Variants in MB21D2 observed in about 807,000 individuals in gnomAD.
The protein encoded by MB21D2 is Mab-21 domain containing 2.
Under a neutral mutation model 33.3 loss-of-function variants are expected in MB21D2, and 9 were observed. That is an observed-to-expected ratio of 0.27 (90% CI 0.16 to 0.47). The LOEUF (loss-of-function observed/expected upper bound fraction) is 0.47. MB21D2 is among the 20% of genes least tolerant of loss of function. MB21D2 has a pLI of 0.99. For missense variants in MB21D2, 540 were observed against 624.6 expected, an observed-to-expected ratio of 0.86 and a Z score of 1.44; for synonymous variants, 241 against 236.3, an observed-to-expected ratio of 1.02 and a Z score of -0.18.
At chr3:192,887,143 A>C (rs1381673538) in intron 1 of MB21D2, among the ~76,000 whole-genome samples, 1 of 152,116 alleles carries the variant, frequency 6.6e-6, no homozygotes, top group Admixed American at 6.5e-5. Context: ...ATTTGACGAT[A>C]TCAATGAACT....
intron 1 of MB21D2, among the ~76,000 whole-genome samples, chr3:192,820,908 G>A (rs910789879): frequency 4.6e-5 from 7 of 152,202 alleles, no homozygotes; most frequent in African/African-American, 1.7e-4. Context: ...AGGACTACAG[G>A]CGGTGCCACC....
At chr3:192,834,575 G>A (rs917650593) in intron 1 of MB21D2, among the ~76,000 whole-genome samples, 3 of 151,600 alleles carry the variant, frequency 2.0e-5, no homozygotes, top group East Asian at 1.9e-4. Context: ...CTACTTTTCC[G>A]ACCTTCCTGA....
chr3:192,799,172 G>C lies in MB21D2; in HGVS notation c.690C>G (p.Arg230=). The C allele has an allele frequency of 6.2e-7, 1 of 1,614,176 alleles. No individual in the cohort carries two copies. Among genetic ancestry groups the C allele is most frequent in the South Asian group, 1.1e-5 (1 of 91,088 alleles). Reference sequence around the variant, plus strand: ...CCACAGGGACAATATCATACAACATGCGACTACTCCCTACACCCAGAATGA... The same window carrying C: ...CCACAGGGACAATATCATACAACATCCGACTACTCCCTACACCCAGAATGA... ...ISIILGVGSS[R]MLYDIVPVVS... Residue 230 remains arginine (R), a synonymous_variant, in exon 2 of 2, where the codon CGC becomes CGG. Transcript: ENST00000392452. This position sits in a 1 kb window ranked among gnomAD's most constrained non-coding sequence, Gnocchi z 4.1.
chr3:192,832,682 C>T (rs1269258129), intron 1 of MB21D2, among the ~76,000 whole-genome samples: 4 of 151,994 alleles, frequency 2.6e-5, no homozygotes, highest in Non-Finnish European at 4.4e-5. Context: ...CCCAGCTACT[C>T]GGGAGGCTGG....
chr3:192,842,693 A>G (rs998978137), intron 1 of MB21D2, among the ~76,000 whole-genome samples: 6 of 152,194 alleles, frequency 3.9e-5, no homozygotes, highest in African/African-American at 9.6e-5. Context: ...GAAGAACAAT[A>G]TTAGTATTAT....
At chr3:192,880,271 C>T (rs945561143) in intron 1 of MB21D2, among the ~76,000 whole-genome samples, 4 of 151,498 alleles carry the variant, frequency 2.6e-5, no homozygotes, top group Non-Finnish European at 5.9e-5. Flanking sequence ...CGCTTGAACC[C>T]AGGAGACGGA....
chr3:192,900,284 C>CAAAAAA (rs66984849), intron 1 of MB21D2, among the ~76,000 whole-genome samples: 2 of 91,200 alleles, frequency 2.2e-5, no homozygotes, highest in African/African-American at 4.4e-5. Context: ...GACTCTGTCT[C>CAAAAAA]AAAAAAAAAA....
chr3:192,834,809 CTTTTTTTTTTT>C (rs71177378), intron 1 of MB21D2, among the ~76,000 whole-genome samples: 1 of 119,882 alleles, frequency 8.3e-6, no homozygotes, highest in South Asian at 2.7e-4. Flanking sequence ...GAGGATTGTT[CTTTTTTTTTTT>C]TTTTTTTTTG....
chr3:192,852,897 A>C (rs761684145), intron 1 of MB21D2, among the ~76,000 whole-genome samples: 1 of 152,094 alleles, frequency 6.6e-6, no homozygotes, highest in Non-Finnish European at 1.5e-5. Flanking sequence ...TCCTGTTCCT[A>C]CTTTTATGAC....
chr3:192,907,019 T>C (rs953863861), intron 1 of MB21D2, among the ~76,000 whole-genome samples: 1 of 152,236 alleles, frequency 6.6e-6, no homozygotes, highest in East Asian at 1.9e-4. Context: ...CAGTTCCCCA[T>C]GTCAGCTTTA....
chr3:192,849,053 C>T (rs1291352010), intron 1 of MB21D2, among the ~76,000 whole-genome samples: 1 of 152,118 alleles, frequency 6.6e-6, no homozygotes, highest in East Asian at 1.9e-4. Context: ...ATCACAGATT[C>T]AGTTTTGTTA....
intron 1 of MB21D2, among the ~76,000 whole-genome samples, chr3:192,903,779 G>A (rs1371364229): frequency 6.6e-6 from 1 of 152,228 alleles, no homozygotes; most frequent in East Asian, 1.9e-4. Context: ...TGACAAGCAA[G>A]CTCTCACTCT....
chr3:192,840,691 T>C (rs60945963), intron 1 of MB21D2, among the ~76,000 whole-genome samples: 12,645 of 152,162 alleles, frequency 0.083, 1,784 homozygotes, highest in African/African-American at 0.29. Flanking sequence ...GGTATTCATA[T>C]GGGCCTCTTA....
chr3:192,829,872 A>C (rs1328237711), intron 1 of MB21D2, among the ~76,000 whole-genome samples: 1 of 152,122 alleles, frequency 6.6e-6, no homozygotes, highest in Non-Finnish European at 1.5e-5. Context: ...GACCACAGGC[A>C]TGCACCACCA....
chr3:192,821,166 T>C (rs2108616370), intron 1 of MB21D2, among the ~76,000 whole-genome samples: 1 of 152,302 alleles, frequency 6.6e-6, no homozygotes, highest in East Asian at 1.9e-4. Context: ...CTTAATAACA[T>C]CACTCATTTA....
intron 1 of MB21D2, among the ~76,000 whole-genome samples, chr3:192,882,676 T>C (rs1425713362): frequency 6.6e-6 from 1 of 152,062 alleles, no homozygotes; most frequent in East Asian, 1.9e-4. Context: ...TTTCTCTGCC[T>C]GGTAGAACTA....
At chr3:192,878,534 C>T (rs114229456) in intron 1 of MB21D2, among the ~76,000 whole-genome samples, 1,623 of 152,168 alleles carry the variant, frequency 0.011, 33 homozygotes, top group African/African-American at 0.038. Flanking sequence ...TTTTATAGCC[C>T]TAAAAAACAT....
At chr3:192,864,581 A>C (rs1713126962) in intron 1 of MB21D2, among the ~76,000 whole-genome samples, 1 of 152,144 alleles carries the variant, frequency 6.6e-6, no homozygotes, top group Non-Finnish European at 1.5e-5. Context: ...ATCTTGGCTC[A>C]CTGCAACCTC....
rs1249595252 is a variant in MB21D2 at position 192,882,746 on chromosome 3, TTC to T, written c.211+34882_211+34883del. Among the ~76,000 whole-genome samples the T allele has an allele frequency of 9.0e-3, 1,363 of 151,198 alleles. 31 individuals carry two copies. Among genetic ancestry groups the T allele is most frequent in the African/African-American group, 0.032 (1,304 of 40,878 alleles). On this transcript the variant is annotated intron_variant, in intron 1 of 1. Transcript: ENST00000392452. Reference sequence around the variant, plus strand: ...GGACATCAACCAGTTTCCTTTTTTTTTCTTTGAGACGGAGTTTCACTTTTGTC... The same window carrying T: ...GGACATCAACCAGTTTCCTTTTTTTTTTTGAGACGGAGTTTCACTTTTGTC...
Sources: gnomAD v4.1 joint callset for allele counts (sites outside exome capture counted in the v4.1 genomes callset) on GRCh38, gnomAD v4.1.1 for gene constraint, Gnocchi (gnomAD v3.1) non-coding constraint, MANE v1.5 for transcripts, NCBI Gene and HGNC (gene_info 2026-07-23, HGNC 2026-07-21) for gene names.